Variants in CEP250 observed in about 807,000 individuals in gnomAD.
The protein encoded by CEP250 is centrosome-associated protein CEP250.
CEP250 carries 242 observed loss-of-function variants against 315.7 expected under a neutral mutation model. The ratio of observed to expected loss-of-function variants is 0.77; its 90% CI spans 0.69 to 0.85. The LOEUF is 0.85. Among genes scored for constraint, CEP250 ranks in the 40% least tolerant of loss-of-function variants. CEP250 has a pLI of 0.00. For missense variants in CEP250, 2,515 were observed against 2,886.4 expected (o/e 0.87, Z 2.95); for synonymous variants, 1,088 against 1,175.0 (o/e 0.93, Z 1.51).
At chr20:35,500,295 C>T in intron 28 of CEP250, 126 bp downstream of exon 28, 1 of 1,168,058 alleles carries the variant, frequency 8.6e-7, no homozygotes, top group Non-Finnish European at 1.2e-6. Flanking sequence ...CGACATCTCA[C>T]TCTGTCACTC....
chr20:35,511,906 A>C lies in CEP250; in HGVS notation c.*280A>C. ...ATGTACTGCCTCTCATCTAGAATTT[A>C]TTTTCCTAGCACTTCACCACCTCCT... On this transcript the variant is annotated 3_prime_UTR_variant, in exon 35 of 35. Transcript: ENST00000397527. 8.2e-7 allele frequency: 1 copy of C among 1,226,246 alleles called. No homozygotes were observed. Among genetic ancestry groups the C allele is most frequent in the East Asian group, 3.5e-5 (1 of 28,506 alleles). 76.0% of individuals were successfully genotyped at this position (1,226,246 alleles called of 1,614,324 possible).
In CEP250 at chr20:35,516,644, T is replaced by G. The variant is rs224388; in HGVS notation, c.*5018T>G. ...TCATTTAAACAAAGCTCCACAGGGA[T>G]CTCTGAGAAGGAGCTCACCTCTAGG... is the stretch of plus-strand genomic sequence containing the variant. On this transcript the variant is annotated 3_prime_UTR_variant, in exon 35 of 35. Transcript: ENST00000397527. The G allele has an allele frequency of 1, 151,700 of 152,372 alleles. 75,521 individuals are homozygous for G. Among genetic ancestry groups the G allele is most frequent in the Middle Eastern group, 1 (294 of 294 alleles). The allele number at this position is 152,372 out of a possible 1,614,324, so 9.4% of individuals were successfully genotyped here.
chr20:35,476,559 G>A lies in CEP250; in HGVS notation c.1827G>A (p.Ala609=), dbSNP rs116246408. The A allele has an allele frequency of 5.7e-4, 913 of 1,613,848 alleles. 12 individuals are homozygous for A. In the East Asian group the frequency reaches 0.016, roughly 29 times the overall value. Residue 609 remains alanine (A), a synonymous_variant, in exon 16 of 35, where the codon GCG becomes GCA. Transcript: ENST00000397527. ...VKLSALNEAL[A]LDKVGLNQQL... ...TCAGTGCCTTAAATGAGGCTTTGGCGTTAGATAAAGTTGGGCTGAACCAGC... is the reference window on the plus strand; with the variant it reads ...TCAGTGCCTTAAATGAGGCTTTGGCATTAGATAAAGTTGGGCTGAACCAGC...
chr20:35,491,336 TA>T lies in CEP250; in HGVS notation c.2882del (p.Lys961ArgfsTer20), dbSNP rs1233462341. On this transcript the variant is annotated frameshift_variant, in exon 22 of 35. Transcript: ENST00000397527. LOFTEE classifies it high-confidence loss of function. Reference protein sequence around the residue: ...RLRQDMKVQKLKEQETTGILQ... With the variant: ...RLRQDMKVQKXKEQETTGILQ... ...AGGCAGGACATGAAAGTCCAGAAATTAAAGGAGCAGGTATGGAGGGTGGTCT... is the reference window on the plus strand; with the variant it reads ...AGGCAGGACATGAAAGTCCAGAAATTAAGGAGCAGGTATGGAGGGTGGTCT... 2 of 1,590,590 alleles carry T rather than the reference TA, an allele frequency of 1.3e-6. No homozygotes were observed. The highest frequency in any genetic ancestry group is 3.5e-5 in the Admixed American group (2 of 56,654).
intron 9 of CEP250, among the ~76,000 whole-genome samples, chr20:35,468,155 G>A (rs1460997747): frequency 6.6e-6 from 1 of 151,880 alleles, no homozygotes; most frequent in Non-Finnish European, 1.5e-5. Context: ...CACCATGTTG[G>A]TCAGGCTGGT....
chr20:35,477,700 G>A (rs1428484986), intron 16 of CEP250, 171 bp from the exon 17 acceptor site: 1 of 620,984 alleles, frequency 1.6e-6, no homozygotes, highest in Non-Finnish European at 2.8e-6. Context: ...CTAGTACCTG[G>A]AATATAGGCA....
In CEP250 at chr20:35,476,654, G is replaced by A; in HGVS notation, c.1863+59G>A. ...GCTGGGCCCTAACTGAGAGCAAGAC[G>A]GATCAGCTCCCAAATGTAGGTCTGA... On this transcript the variant is annotated intron_variant, in intron 16 of 34. Coordinates refer to ENST00000397527, the MANE Select transcript of CEP250 (RefSeq NM_007186.6). The A allele has an allele frequency of 2.8e-6, 4 of 1,453,524 alleles. No homozygotes were observed. The East Asian group carries it at 6.9e-5, about 25-fold the overall frequency. The allele number at this position is 1,453,524 out of a possible 1,614,324, so 90.0% of individuals were successfully genotyped here.
chr20:35,491,137 G>T, intron 21 of CEP250, 75 bp from the exon 22 acceptor site: 1 of 1,546,476 alleles, frequency 6.5e-7, no homozygotes, highest in African/African-American at 1.4e-5. Flanking sequence ...AGGGCAGCTG[G>T]GATGTGCTTG....
At position 35,493,440 on chromosome 20, in the gene CEP250, G is replaced by T; in HGVS notation, c.2901G>T (p.Gly967=). Residue 967 remains glycine (G), a synonymous_variant, in exon 23 of 35, where the codon GGG becomes GGT. Coordinates refer to ENST00000397527, the MANE Select transcript of CEP250 (RefSeq NM_007186.6). The stretch of plus-strand genomic sequence containing the variant: ...TTATCCCTCTTCAGGAGACCACTGG[G>T]ATACTACAGACCCAGCTCCAGGAGG... ...VQKLKEQETT[G]ILQTQLQEAQ... The T allele has an allele frequency of 1.2e-6, 2 of 1,601,486 alleles. No individual in the cohort carries two copies. Among genetic ancestry groups the T allele is most frequent in the Non-Finnish European group, 1.7e-6 (2 of 1,174,696 alleles).
intron 4 of CEP250, 75 bp from the exon 5 acceptor site, chr20:35,463,500 A>T: frequency 7.4e-7 from 1 of 1,352,596 alleles, no homozygotes; most frequent in South Asian, 1.4e-5. Context: ...TTTGCCTAAG[A>T]TCCTCAGGGG....
In CEP250 at chr20:35,472,770, A is replaced by G; in HGVS notation, c.1148A>G (p.Asp383Gly). ...ATCTTCTCCCAGTTTGATTACCAGG[A>G]TGCAGACAAGGCTCTTACTCTGGTG... The part of the protein sequence containing the change: ...SSIFSQFDYQ[D>G]ADKALTLVRS... The change falls in exon 12 of 35, where the codon GAT (aspartate) becomes GGT (glycine). Residue 383 changes from aspartate (D) to glycine (G), a missense_variant. Transcript: ENST00000397527. The G allele has an allele frequency of 3.7e-6, 6 of 1,614,160 alleles. No homozygotes were observed. Among genetic ancestry groups the G allele is most frequent in the East Asian group, 2.2e-5 (1 of 44,878 alleles).
At chr20:35,509,185 G>A (rs1294971557) in intron 33 of CEP250, 141 bp downstream of exon 33, 14 of 685,578 alleles carry the variant, frequency 2.0e-5, no homozygotes, top group South Asian at 9.0e-5. Flanking sequence ...TGCCCTGCTC[G>A]GCACAGCTCA....
In CEP250 at chr20:35,513,251, C is replaced by G. The variant is rs547713789; in HGVS notation, c.*1625C>G. ...TACCTGGCTTTTAGGCCATTTATTTCTTTTTCCTTTTTTTTTTTTTGAGAC... is the reference window on the plus strand; with the variant it reads ...TACCTGGCTTTTAGGCCATTTATTTGTTTTTCCTTTTTTTTTTTTTGAGAC... On this transcript the variant is annotated 3_prime_UTR_variant, in exon 35 of 35. Coordinates refer to ENST00000397527, the MANE Select transcript of CEP250 (RefSeq NM_007186.6). The G allele has an allele frequency of 6.6e-6, 1 of 151,250 alleles. No homozygotes were observed. Among genetic ancestry groups the G allele is most frequent in the South Asian group, 2.1e-4 (1 of 4,796 alleles). 9.4% of individuals were successfully genotyped at this position (151,250 alleles called of 1,614,324 possible). A position where few individuals can be genotyped will look rare whatever the true frequency, so the allele number is the denominator to read the frequency against.
rs141291492 is a variant in CEP250 at position 35,460,908 on chromosome 20, T to C, written c.-104+803T>C. Among the ~76,000 whole-genome samples the C allele has an allele frequency of 2.8e-3, 430 of 152,308 alleles. 1 individual carries two copies. Among genetic ancestry groups the C allele is most frequent in the African/African-American group, 9.6e-3 (397 of 41,560 alleles). On this transcript the variant is annotated intron_variant, in intron 3 of 34. Coordinates refer to ENST00000397527, the MANE Select transcript of CEP250 (RefSeq NM_007186.6). ...AATTAGACAGCTCCTGCCTTTGAGG[T>C]ACTCATGGATTAGCAGAGAAAATAG...
At chr20:35,471,924 A>G in intron 10 of CEP250, 126 bp from the exon 11 acceptor site, 3 of 667,750 alleles carry the variant, frequency 4.5e-6, no homozygotes, top group Non-Finnish European at 8.2e-6. Context: ...TAGCATTGAC[A>G]TATGGTCAGG....
intron 5 of CEP250, 30 bp downstream of exon 5, chr20:35,463,661 T>A (rs760080444): frequency 2.8e-5 from 44 of 1,581,708 alleles, no homozygotes; most frequent in Non-Finnish European, 3.8e-5. Flanking sequence ...CTGCACCCCC[T>A]GGGTCCTCAG....
chr20:35,498,766 C>CATG (rs2063920886), intron 27 of CEP250, 50 bp downstream of exon 27: 2 of 1,513,646 alleles, frequency 1.3e-6, no homozygotes, highest in Non-Finnish European at 1.8e-6. Context: ...CCTGGAAAAG[C>CATG]ATGAGGCAAA....
chr20:35,456,779 C>A (rs1322076941), intron 1 of CEP250, among the ~76,000 whole-genome samples: 1 of 144,704 alleles, frequency 6.9e-6, no homozygotes, highest in Non-Finnish European at 1.5e-5. Flanking sequence ...TTATATGCCT[C>A]CCCCCACTTT....
Position 35,516,928 on chromosome 20 carries a change from C to A in CEP250, c.*5302C>A. ...GAGCAGACGGCAGAAACGTCAGCCA[C>A]AGGTGAGCATAAGCTCAAACCCCCC... On this transcript the variant is annotated 3_prime_UTR_variant, in exon 35 of 35. Coordinates refer to ENST00000397527, the MANE Select transcript of CEP250 (RefSeq NM_007186.6). 1 of 961,954 alleles carries A rather than the reference C, an allele frequency of 1.0e-6. No homozygotes were observed. 59.6% of individuals were successfully genotyped at this position (961,954 alleles called of 1,614,324 possible). A position where few individuals can be genotyped will look rare whatever the true frequency, so the allele number is the denominator to read the frequency against.
Sources: allele counts gnomAD v4.1 joint callset (sites outside exome capture counted in the v4.1 genomes callset), GRCh38; gene constraint gnomAD v4.1.1; transcripts MANE v1.5; gene names NCBI Gene and HGNC (gene_info 2026-07-23, HGNC 2026-07-21).